GKAP1: variants seen among roughly 807,000 people sequenced by gnomAD.
The protein encoded by GKAP1 is G kinase-anchoring protein 1.
In GKAP1, 31 loss-of-function variants were observed where a neutral mutation model predicts 56.7. The ratio of observed to expected loss-of-function variants is 0.55; its 90% CI spans 0.41 to 0.74. The LOEUF is 0.74. Among genes scored for constraint, GKAP1 ranks in the 30% least tolerant of loss-of-function variants. The pLI, the probability that GKAP1 is intolerant of heterozygous loss-of-function variation, is 0.00. For missense variants in GKAP1, 364 were observed against 402.3 expected, an observed-to-expected ratio of 0.90 and a Z score of 0.82; for synonymous variants, 151 against 138.6, an observed-to-expected ratio of 1.09 and a Z score of -0.63.
At chr9:83,769,818 C>T (rs1218615105) in intron 7 of GKAP1, among the ~76,000 whole-genome samples, 2 of 152,188 alleles carry the variant, frequency 1.3e-5, no homozygotes, top group African/African-American at 2.4e-5. Flanking sequence ...CATCATTTTA[C>T]AATCCCATCA....
intron 3 of GKAP1, among the ~76,000 whole-genome samples, chr9:83,802,996 T>C (rs1379603837): frequency 1.3e-5 from 2 of 151,390 alleles, no homozygotes; most frequent in African/African-American, 4.9e-5. Flanking sequence ...GTGGTCCCAG[T>C]TGCTTGGGAG....
intron 2 of GKAP1, among the ~76,000 whole-genome samples, chr9:83,814,188 ATTAT>A (rs1279853266): frequency 6.6e-6 from 1 of 152,218 alleles, no homozygotes; most frequent in African/African-American, 2.4e-5. Context: ...CAAAAAGCCA[ATTAT>A]TTGACTTATT....
chr9:83,782,507 C>T (rs1037445484), intron 6 of GKAP1, among the ~76,000 whole-genome samples: 1 of 151,478 alleles, frequency 6.6e-6, no homozygotes, highest in African/African-American at 2.4e-5. Flanking sequence ...TACAGGAATG[C>T]ACCACTACGC....
chr9:83,769,057 C>A (rs1943713192), intron 7 of GKAP1, 87 bp from the exon 8 acceptor site: 23 of 931,760 alleles, frequency 2.5e-5, no homozygotes, highest in Middle Eastern at 2.4e-4. Context: ...AAGGGATATG[C>A]ATTTAGTACA....
intron 9 of GKAP1, 90 bp from the exon 10 acceptor site, chr9:83,748,462 G>A: frequency 1.4e-6 from 1 of 698,334 alleles, no homozygotes; most frequent in African/African-American, 1.8e-5. Flanking sequence ...CTGAATTCTT[G>A]GCTTGCTCAA....
chr9:83,780,140 A>G (rs1943945684), intron 7 of GKAP1, among the ~76,000 whole-genome samples: 1 of 152,076 alleles, frequency 6.6e-6, no homozygotes, highest in Non-Finnish European at 1.5e-5. Context: ...ACACATATAT[A>G]TACAAATTAG....
chr9:83,763,739 C>T (rs1332144366), intron 8 of GKAP1, among the ~76,000 whole-genome samples: 1 of 152,068 alleles, frequency 6.6e-6, no homozygotes, highest in Non-Finnish European at 1.5e-5. Context: ...AAATAATTAT[C>T]TATTGAGTGC....
chr9:83,790,323 G>A (rs1944133747), intron 4 of GKAP1, among the ~76,000 whole-genome samples: 1 of 152,248 alleles, frequency 6.6e-6, no homozygotes, highest in Non-Finnish European at 1.5e-5. Flanking sequence ...GCAAGAAAAA[G>A]TAATAAATTA....
chr9:83,797,546 C>T (rs1944267081), intron 4 of GKAP1, among the ~76,000 whole-genome samples: 1 of 152,216 alleles, frequency 6.6e-6, no homozygotes. Flanking sequence ...TTATTTTCTT[C>T]CAAGTGAGTC....
At chr9:83,809,071 C>T (rs1250467165) in intron 2 of GKAP1, among the ~76,000 whole-genome samples, 1 of 152,216 alleles carries the variant, frequency 6.6e-6, no homozygotes, top group Non-Finnish European at 1.5e-5. Context: ...CTACTGAAGC[C>T]TTATCAAGAC....
intron 8 of GKAP1, 86 bp downstream of exon 8, chr9:83,768,731 AT>A: frequency 7.2e-6 from 8 of 1,108,118 alleles, no homozygotes; most frequent in Non-Finnish European, 9.2e-6. Context: ...TACAATCATA[AT>A]TTGATTCTAC....
chr9:83,754,686 A>G (rs2131244753), intron 8 of GKAP1, among the ~76,000 whole-genome samples: 1 of 152,376 alleles, frequency 6.6e-6, no homozygotes, highest in African/African-American at 2.4e-5. Flanking sequence ...AAGATGGTAC[A>G]AGATGACTTT....
At chr9:83,777,701 G>A (rs532989446) in intron 7 of GKAP1, among the ~76,000 whole-genome samples, 1 of 151,976 alleles carries the variant, frequency 6.6e-6, no homozygotes, top group African/African-American at 2.4e-5. Context: ...GAACTTAAGA[G>A]TAGCCATGAA....
intron 8 of GKAP1, among the ~76,000 whole-genome samples, chr9:83,766,740 G>T (rs970101834): frequency 2.0e-5 from 3 of 152,148 alleles, no homozygotes; most frequent in African/African-American, 7.2e-5. Context: ...GTCAAATTTA[G>T]AAAGAGATCA....
At chr9:83,813,677 T>C (rs1412666702) in intron 2 of GKAP1, among the ~76,000 whole-genome samples, 1 of 152,194 alleles carries the variant, frequency 6.6e-6, no homozygotes, top group Non-Finnish European at 1.5e-5. Context: ...AAAACAGAAA[T>C]GTTTCAGGGC....
intron 8 of GKAP1, among the ~76,000 whole-genome samples, chr9:83,757,319 TTAAG>T (rs1256330095): frequency 6.6e-6 from 1 of 152,152 alleles, no homozygotes; most frequent in Admixed American, 6.6e-5. Context: ...CTAAAGTTAA[TTAAG>T]TTAAGGATAT....
chr9:83,771,747 G>T (rs1402512379), intron 7 of GKAP1, among the ~76,000 whole-genome samples: 1 of 152,114 alleles, frequency 6.6e-6, no homozygotes, highest in Non-Finnish European at 1.5e-5. Flanking sequence ...GTATATTCTT[G>T]TAAGATTTTA....
chr9:83,788,209 C>T (rs1472367953), intron 5 of GKAP1, among the ~76,000 whole-genome samples: 2 of 152,074 alleles, frequency 1.3e-5, no homozygotes, highest in African/African-American at 2.4e-5. Context: ...ACCTGGGAGG[C>T]GGAGGTTGCA....
chr9:83,783,288 G>C (rs545971391), intron 6 of GKAP1, among the ~76,000 whole-genome samples: 1 of 152,130 alleles, frequency 6.6e-6, no homozygotes, highest in Non-Finnish European at 1.5e-5. Flanking sequence ...CTATTCTGAC[G>C]GGTATAGACA....
Sources: gnomAD v4.1 joint callset for allele counts (sites outside exome capture counted in the v4.1 genomes callset) on GRCh38, gnomAD v4.1.1 for gene constraint, MANE v1.5 for transcripts, NCBI Gene and HGNC (gene_info 2026-07-23, HGNC 2026-07-21) for gene names.